The following DYNC1I1 variants were observed in gnomAD, a reference collection of about 807,000 sequenced individuals.
The protein encoded by DYNC1I1 is dynein cytoplasmic 1 intermediate chain 1, also known as cytoplasmic dynein 1 intermediate chain 1.
In DYNC1I1, 43 loss-of-function variants were observed where a neutral mutation model predicts 86.6. The observed-to-expected ratio is 0.50, with a 90% CI of 0.39 to 0.64. The LOEUF (loss-of-function observed/expected upper bound fraction) is 0.64. Ranked by LOEUF, DYNC1I1 falls within the 30% of genes least tolerant of loss-of-function variation. The pLI, the probability that DYNC1I1 is intolerant of heterozygous loss-of-function variation, is 0.00. For synonymous variants in DYNC1I1, 262 were observed against 283.7 expected, an observed-to-expected ratio of 0.92 and a Z score of 0.77; for missense variants, 604 against 788.8, an observed-to-expected ratio of 0.77 and a Z score of 2.81.
intron 15 of DYNC1I1, among the ~76,000 whole-genome samples, chr7:96,078,952 C>T (rs1026387788): frequency 6.6e-6 from 1 of 152,026 alleles, no homozygotes; most frequent in Admixed American, 6.5e-5. Flanking sequence ...CTCTAGCTTG[C>T]ACAGCAGGTA....
intron 14 of DYNC1I1, among the ~76,000 whole-genome samples, chr7:96,072,260 T>A (rs1177616929): frequency 6.6e-6 from 1 of 152,222 alleles, no homozygotes; most frequent in Non-Finnish European, 1.5e-5. Context: ...CTGGATACTT[T>A]ACCATTATTG....
intron 5 of DYNC1I1, among the ~76,000 whole-genome samples, chr7:95,858,104 C>T (rs1747473172): frequency 6.6e-6 from 1 of 152,142 alleles, no homozygotes; most frequent in Admixed American, 6.5e-5. Context: ...TTAACAGATT[C>T]CATCACTTTG....
intron 6 of DYNC1I1, among the ~76,000 whole-genome samples, chr7:95,883,332 C>G (rs1402042133): frequency 1.3e-5 from 2 of 152,134 alleles, no homozygotes; most frequent in Non-Finnish European, 1.5e-5. Flanking sequence ...GTGGTTCTAT[C>G]TGCCCTCAAA....
intron 1 of DYNC1I1, among the ~76,000 whole-genome samples, chr7:95,793,887 G>A (rs1794371690): frequency 6.6e-6 from 1 of 152,244 alleles, no homozygotes. Flanking sequence ...GCTGTGTGAT[G>A]CTCTATGGAG....
intron 5 of DYNC1I1, among the ~76,000 whole-genome samples, chr7:95,857,010 T>C (rs554310336): frequency 1.3e-5 from 2 of 152,012 alleles, no homozygotes; most frequent in South Asian, 4.2e-4. Context: ...AAAAAGTTGG[T>C]TTGCCATCTC....
chr7:95,990,006 T>C lies in DYNC1I1; in HGVS notation c.843+2851T>C, dbSNP rs578257113. ...GCAGTGGTGGCGTGTGTGTCTAGGA[T>C]GATTTCCTGAATGTAACAGAATAGA... On this transcript the variant is annotated intron_variant, in intron 9 of 16. Transcript: ENST00000447467. 1.3e-4 allele frequency among the ~76,000 whole-genome samples: 20 copies of C among 152,242 alleles called. 1 individual carries two copies. The South Asian group carries it at 3.5e-3, about 27-fold the overall frequency.
chr7:95,800,873 T>G (rs1794561215), intron 1 of DYNC1I1, among the ~76,000 whole-genome samples: 1 of 152,264 alleles, frequency 6.6e-6, no homozygotes, highest in Non-Finnish European at 1.5e-5. Context: ...CTATAACTCA[T>G]GTCCCTCATG....
chr7:96,093,601 G>C (rs1790912245), intron 16 of DYNC1I1, among the ~76,000 whole-genome samples: 1 of 152,184 alleles, frequency 6.6e-6, no homozygotes, highest in Non-Finnish European at 1.5e-5. Context: ...AACAGTCATT[G>C]AATCAGGAGA....
At chr7:95,799,334 G>A (rs1377661986) in intron 1 of DYNC1I1, among the ~76,000 whole-genome samples, 1 of 152,100 alleles carries the variant, frequency 6.6e-6, no homozygotes, top group Non-Finnish European at 1.5e-5. Flanking sequence ...AGCCGAGATC[G>A]GGCCACTGCA....
At chr7:96,037,194 C>G (rs1794945814) in intron 13 of DYNC1I1, among the ~76,000 whole-genome samples, 1 of 152,152 alleles carries the variant, frequency 6.6e-6, no homozygotes, top group Non-Finnish European at 1.5e-5. Flanking sequence ...TCAAAGATGA[C>G]TTAGGAAGAT....
At chr7:96,104,547 G>A (rs1030054524) in intron 16 of DYNC1I1, among the ~76,000 whole-genome samples, 2 of 152,040 alleles carry the variant, frequency 1.3e-5, no homozygotes, top group African/African-American at 2.4e-5. Context: ...TTTTGTGTAT[G>A]GAATGAGGTA....
chr7:95,898,208 C>T (rs1193341975), intron 6 of DYNC1I1, among the ~76,000 whole-genome samples: 1 of 152,168 alleles, frequency 6.6e-6, no homozygotes, highest in Non-Finnish European at 1.5e-5. Flanking sequence ...ACTCCACATG[C>T]CAAATGTTAA....
intron 5 of DYNC1I1, among the ~76,000 whole-genome samples, chr7:95,841,098 T>C (rs2116013093): frequency 6.6e-6 from 1 of 152,096 alleles, no homozygotes; most frequent in Admixed American, 6.5e-5. Context: ...CTCTAGGGGG[T>C]CTAGTAAATG....
At chr7:95,923,141 C>T (rs1439634595) in intron 6 of DYNC1I1, among the ~76,000 whole-genome samples, 1 of 152,060 alleles carries the variant, frequency 6.6e-6, no homozygotes, top group Non-Finnish European at 1.5e-5. Context: ...CAGGACTACA[C>T]GTACAGTGAC....
intron 7 of DYNC1I1, among the ~76,000 whole-genome samples, chr7:95,979,283 A>T (rs1200289313): frequency 2.0e-5 from 3 of 152,186 alleles, no homozygotes; most frequent in African/African-American, 7.2e-5. Flanking sequence ...GTCTCTGTCA[A>T]TTATTAGCTG....
At chr7:95,828,995 C>A (rs1795263146) in intron 5 of DYNC1I1, among the ~76,000 whole-genome samples, 1 of 152,178 alleles carries the variant, frequency 6.6e-6, no homozygotes, top group Non-Finnish European at 1.5e-5. Flanking sequence ...TCCTTTCCTA[C>A]AAGCAATTTA....
At chr7:96,060,972 G>A (rs1458254097) in intron 14 of DYNC1I1, among the ~76,000 whole-genome samples, 1 of 152,196 alleles carries the variant, frequency 6.6e-6, no homozygotes, top group Non-Finnish European at 1.5e-5. Flanking sequence ...TGGAGAAAAT[G>A]AGACATCTCC....
chr7:96,081,194 C>T (rs1790510173), intron 16 of DYNC1I1, among the ~76,000 whole-genome samples: 1 of 150,934 alleles, frequency 6.6e-6, no homozygotes, highest in Non-Finnish European at 1.5e-5. Context: ...AAAGTGTAGC[C>T]AATTGAGAAT....
At chr7:95,901,738 G>A (rs1315912463) in intron 6 of DYNC1I1, among the ~76,000 whole-genome samples, 1 of 152,202 alleles carries the variant, frequency 6.6e-6, no homozygotes, top group East Asian at 1.9e-4. Context: ...GGAATCTAAA[G>A]GATGTCAACA....
Sources: gnomAD v4.1 joint callset for allele counts (sites outside exome capture counted in the v4.1 genomes callset) on GRCh38, gnomAD v4.1.1 for gene constraint, MANE v1.5 for transcripts, NCBI Gene and HGNC (gene_info 2026-07-23, HGNC 2026-07-21) for gene names.